The following CPNE8 variants were observed in gnomAD, a reference collection of about 807,000 sequenced individuals.
The protein encoded by CPNE8 is copine 8, also known as copine-8.
CPNE8 carries 45 observed loss-of-function variants against 81.5 expected under a neutral mutation model. The ratio of observed to expected loss-of-function variants is 0.55; its 90% CI spans 0.44 to 0.71. The LOEUF is 0.71. CPNE8 is among the 30% of genes least tolerant of loss of function. The probability of loss-of-function intolerance (pLI) is 0.00; values close to 1 mark genes in which losing one functional copy is unlikely to be tolerated. For missense variants in CPNE8, 594 were observed against 672.1 expected (o/e 0.88, Z 1.28); for synonymous variants, 252 against 226.3 (o/e 1.11, Z -1.02).
At chr12:38,693,980 G>A in intron 14 of CPNE8, 142 bp from the exon 15 acceptor site, 4 of 527,554 alleles carry the variant, frequency 7.6e-6, no homozygotes, top group South Asian at 5.1e-5. Context: ...ATTTCTTTTT[G>A]GATGGATATT....
At chr12:38,757,741 T>C (rs1009702903) in intron 10 of CPNE8, among the ~76,000 whole-genome samples, 1 of 152,016 alleles carries the variant, frequency 6.6e-6, no homozygotes, top group African/African-American at 2.4e-5. Flanking sequence ...AGCACTTTAC[T>C]CAAACATTAA....
intron 14 of CPNE8, among the ~76,000 whole-genome samples, chr12:38,699,740 C>A (rs566446303): frequency 6.6e-6 from 1 of 151,934 alleles, no homozygotes; most frequent in Non-Finnish European, 1.5e-5. Flanking sequence ...GCATTTTCTG[C>A]GAGTGCAGGT....
At position 38,723,782 on chromosome 12, in the gene CPNE8, T is replaced by C. The variant is rs1044665610; in HGVS notation, c.904A>G (p.Ile302Val). ...VETEVSFLDY[I>V]KGGTQINFTV... ...GAGAGAATTACTTACCCTCCCTTAA[T>C]GTAGTCAAGGAATGAAACTTCTGTT... Residue 302 changes from isoleucine to valine, a missense_variant, in exon 13 of 20, where the codon ATT becomes GTT. Physicochemically the swap from Ile to Val is conservative, Grantham distance 29. Coordinates refer to ENST00000331366, the MANE Select transcript of CPNE8 (RefSeq NM_153634.3). The C allele has an allele frequency of 1.3e-6, 2 of 1,581,676 alleles. No individual in the cohort carries two copies. The highest frequency in any genetic ancestry group is 1.7e-5 in the Admixed American group (1 of 57,760).
At chr12:38,835,249 T>C (rs2137033258) in intron 5 of CPNE8, among the ~76,000 whole-genome samples, 1 of 152,246 alleles carries the variant, frequency 6.6e-6, no homozygotes, top group Middle Eastern at 3.4e-3. Context: ...GCTGTTCTCC[T>C]AGATTTTCAA....
At chr12:38,739,172 T>TAAACCACAAAAAC in intron 10 of CPNE8, among the ~76,000 whole-genome samples, 1 of 152,190 alleles carries the variant, frequency 6.6e-6, no homozygotes, top group South Asian at 2.1e-4. Flanking sequence ...GTGATAGGCT[T>TAAACCACAAAAAC]CAATAATGTC....
At chr12:38,827,352 A>G (rs1219705262) in intron 6 of CPNE8, among the ~76,000 whole-genome samples, 1 of 152,160 alleles carries the variant, frequency 6.6e-6, no homozygotes, top group Non-Finnish European at 1.5e-5. Context: ...GAGAAAAGGG[A>G]ACACTTATAT....
At chr12:38,784,291 A>G (rs1462324015) in intron 6 of CPNE8, among the ~76,000 whole-genome samples, 1 of 152,216 alleles carries the variant, frequency 6.6e-6, no homozygotes, top group Admixed American at 6.5e-5. Context: ...GAGCTTGAAG[A>G]CAAGCTATTT....
chr12:38,666,324 T>C (rs1939055949), intron 19 of CPNE8, among the ~76,000 whole-genome samples: 1 of 152,216 alleles, frequency 6.6e-6, no homozygotes. Flanking sequence ...CTTGGAAATC[T>C]GGATCTACCA....
chr12:38,658,219 CT>C (rs1482090741), intron 19 of CPNE8, among the ~76,000 whole-genome samples: 1 of 152,002 alleles, frequency 6.6e-6, no homozygotes, highest in Non-Finnish European at 1.5e-5. Context: ...CCTGATGGAG[CT>C]GAAAACCATG....
At chr12:38,787,660 T>G (rs1942226725) in intron 6 of CPNE8, among the ~76,000 whole-genome samples, 1 of 151,716 alleles carries the variant, frequency 6.6e-6, no homozygotes, top group Non-Finnish European at 1.5e-5. Context: ...TGAAACAAAG[T>G]TAGGTTTTTG....
At chr12:38,746,511 G>A (rs1226428924) in intron 10 of CPNE8, among the ~76,000 whole-genome samples, 1 of 152,202 alleles carries the variant, frequency 6.6e-6, no homozygotes, top group Non-Finnish European at 1.5e-5. Flanking sequence ...AGGTGCTTCA[G>A]AGTTGAACGA....
chr12:38,658,135 G>A (rs1043012988), intron 19 of CPNE8, among the ~76,000 whole-genome samples: 4 of 152,080 alleles, frequency 2.6e-5, no homozygotes, highest in African/African-American at 9.7e-5. Flanking sequence ...CCATCACAAG[G>A]AAGCTAAAAA....
At chr12:38,901,834 C>T (rs190690412) in intron 1 of CPNE8, among the ~76,000 whole-genome samples, 8 of 152,252 alleles carry the variant, frequency 5.3e-5, no homozygotes, top group Admixed American at 1.3e-4. Flanking sequence ...GCACCCTATT[C>T]CACAATGATC....
intron 10 of CPNE8, among the ~76,000 whole-genome samples, chr12:38,731,695 C>G (rs1050787121): frequency 6.6e-6 from 1 of 151,840 alleles, no homozygotes; most frequent in Admixed American, 6.6e-5. Flanking sequence ...ATTGTAGGCT[C>G]TGATATATTC....
chr12:38,901,888 G>A (rs1312149978), intron 1 of CPNE8, among the ~76,000 whole-genome samples: 2 of 152,036 alleles, frequency 1.3e-5, no homozygotes, highest in Non-Finnish European at 2.9e-5. Context: ...ATTTAGCCCC[G>A]TTACCGTGTC....
intron 4 of CPNE8, among the ~76,000 whole-genome samples, chr12:38,847,660 G>T (rs1192919180): frequency 6.6e-6 from 1 of 152,062 alleles, no homozygotes; most frequent in Non-Finnish European, 1.5e-5. Context: ...AGCACTGCAG[G>T]TTATTTTACC....
At chr12:38,767,443 T>G (rs369680236) in intron 8 of CPNE8, among the ~76,000 whole-genome samples, 192 bp downstream of exon 8, 1 of 152,124 alleles carries the variant, frequency 6.6e-6, no homozygotes, top group East Asian at 1.9e-4. Context: ...AATTTTTCAT[T>G]TTAAGTATCA....
At chr12:38,891,617 T>G (rs1176106057) in intron 1 of CPNE8, among the ~76,000 whole-genome samples, 1 of 152,080 alleles carries the variant, frequency 6.6e-6, no homozygotes, top group African/African-American at 2.4e-5. Flanking sequence ...CGGGCTAATT[T>G]TGTATTTTTA....
intron 7 of CPNE8, among the ~76,000 whole-genome samples, chr12:38,773,682 T>C (rs1236838710): frequency 1.3e-5 from 2 of 152,136 alleles, no homozygotes; most frequent in African/African-American, 4.8e-5. Context: ...ATGTTGTAGG[T>C]GAATTAAAAT....
Sources: allele counts gnomAD v4.1 joint callset (sites outside exome capture counted in the v4.1 genomes callset), GRCh38; gene constraint gnomAD v4.1.1; transcripts MANE v1.5; gene names NCBI Gene and HGNC (gene_info 2026-07-23, HGNC 2026-07-21).